ELFN1: variants seen among roughly 807,000 people sequenced by gnomAD.
ELFN1 encodes protein ELFN1.
Under a neutral mutation model 7.6 loss-of-function variants are expected in ELFN1, and 6 were observed. The observed-to-expected ratio is 0.79, with a 90% CI of 0.43 to 1.56. ELFN1 has a LOEUF of 1.56. ELFN1 is among the 40% of genes most tolerant of loss of function. ELFN1 has a pLI of 0.01. For synonymous variants in ELFN1, 657 were observed against 588.1 expected, an observed-to-expected ratio of 1.12 and a Z score of -1.70; for missense variants, 1,169 against 1,232.2, an observed-to-expected ratio of 0.95 and a Z score of 0.77.
intron 3 of ELFN1, among the ~76,000 whole-genome samples, chr7:1,714,084 C>G (rs1453511375): frequency 1.3e-5 from 2 of 152,240 alleles, no homozygotes; most frequent in Non-Finnish European, 2.9e-5. Flanking sequence ...TGGAAGGAAC[C>G]TGGGACGTTG....
Position 1,746,624 on chromosome 7 carries a change from G to C in ELFN1, c.2028G>C (p.Ala676=). 1.5e-6 allele frequency: 2 copies of C among 1,350,378 alleles called. No individual in the cohort carries two copies. The highest frequency in any genetic ancestry group is 1.9e-6 in the Non-Finnish European group (2 of 1,055,944). 83.6% of individuals were successfully genotyped at this position (1,350,378 alleles called of 1,614,324 possible). The part of the protein sequence containing the change: ...EAKYIEKGSP[A]ADAILTVTPA... ...AGTACATCGAGAAGGGCTCCCCCGCGGCCGACGCCATCCTCACTGTGACAC... is the reference window on the plus strand; with the variant it reads ...AGTACATCGAGAAGGGCTCCCCCGCCGCCGACGCCATCCTCACTGTGACAC... Residue 676 remains alanine, a synonymous_variant, in exon 4 of 4, where the codon GCG becomes GCC. Coordinates refer to ENST00000424383, the MANE Select transcript of ELFN1 (RefSeq NM_001128636.4).
rs573593436 is a variant in ELFN1 at position 1,680,024 on chromosome 7, T to C, written c.-548-8034T>C. ...GTGCACAGTTCATTAAACATGACCATGAAGTCGGGACATGGGAGTTACGCA... is the reference window on the plus strand; with the variant it reads ...GTGCACAGTTCATTAAACATGACCACGAAGTCGGGACATGGGAGTTACGCA... On this transcript the variant is annotated intron_variant, in intron 1 of 3. Transcript: ENST00000424383. Among the ~76,000 whole-genome samples the C allele has an allele frequency of 2.6e-5, 4 of 152,344 alleles. No individual in the cohort carries two copies. The East Asian group carries it at 5.8e-4, about 22-fold the overall frequency.
Position 1,746,238 on chromosome 7 carries a change from A to T in ELFN1, c.1642A>T (p.Ser548Cys). ...TGAGCTGGGCCGGCCGGGCCCCGAC[A>T]GCCAGAGTTCGGTGGCCGAGATCTC... is the stretch of plus-strand genomic sequence containing the variant. ...DCELGRPGPD[S>C]QSSVAEISTI... The change falls in exon 4 of 4, where the codon AGC becomes TGC. Residue 548 changes from serine (S) to cysteine (C), a missense_variant. Coordinates refer to ENST00000424383, the MANE Select transcript of ELFN1 (RefSeq NM_001128636.4). 1 of 1,502,836 alleles carries T rather than the reference A, an allele frequency of 6.7e-7. No individual in the cohort carries two copies. Among genetic ancestry groups the T allele is most frequent in the Non-Finnish European group, 8.9e-7 (1 of 1,121,162 alleles). The allele number at this position is 1,502,836 out of a possible 1,614,324, so 93.1% of individuals were successfully genotyped here.
rs553978808 is a variant in ELFN1, at chr7:1,718,516, A to G, written c.-294+9264A>G. ...TTGCTAAAAGTTGAAATATGAGGAA[A>G]TCATTAGCATGCTTTGAATGCAAAG... On this transcript the variant is annotated intron_variant, in intron 3 of 3. Coordinates refer to ENST00000424383, the MANE Select transcript of ELFN1 (RefSeq NM_001128636.4). Among the ~76,000 whole-genome samples, 6 of 152,312 alleles carry G rather than the reference A, an allele frequency of 3.9e-5. No individual in the cohort carries two copies. The South Asian group carries it at 1.0e-3, about 26-fold the overall frequency.
At chr7:1,717,171 C>A (rs570165828) in intron 3 of ELFN1, among the ~76,000 whole-genome samples, 1 of 152,300 alleles carries the variant, frequency 6.6e-6, no homozygotes, top group East Asian at 1.9e-4. Flanking sequence ...GAAATAGAGG[C>A]AGACAGGGGC....
chr7:1,745,881 A>G lies in ELFN1; in HGVS notation c.1285A>G (p.Met429Val), dbSNP rs377622926. 2.3e-4 allele frequency: 370 copies of G among 1,592,540 alleles called. No homozygotes were observed. Among genetic ancestry groups the G allele is most frequent in the Admixed American group, 4.6e-4 (26 of 57,010 alleles). ...GACCATCCTGGGCTGCCTCTTCGGC[A>G]TGGTGCTGGTGCTGGGCGCCGTCTA... ...IMTILGCLFGMVLVLGAVYYC... is the reference protein window; with the variant it reads ...IMTILGCLFGVVLVLGAVYYC... Residue 429 changes from methionine (M) to valine (V), a missense_variant, in exon 4 of 4, where the codon ATG becomes GTG. Transcript: ENST00000424383.
Position 1,695,642 on chromosome 7 carries a change from G to A in ELFN1, c.-456+7492G>A, listed in dbSNP as rs1276675206. 6.6e-6 allele frequency among the ~76,000 whole-genome samples: 1 copy of A among 151,376 alleles called. No individual in the cohort carries two copies. The highest frequency in any genetic ancestry group is 1.5e-5 in the Non-Finnish European group (1 of 67,912). Reference sequence around the variant, plus strand: ...GACACCTGTAATCCCAGTTACTTGGGAGGCTGAGGCAGGGAGAATTGTTTG... The same window carrying A: ...GACACCTGTAATCCCAGTTACTTGGAAGGCTGAGGCAGGGAGAATTGTTTG... On this transcript the variant is annotated intron_variant, in intron 2 of 3. Transcript: ENST00000424383. This position sits in a 1 kb window ranked among gnomAD's most constrained non-coding sequence, Gnocchi z 5.1.
Position 1,686,608 on chromosome 7 carries a change from T to C in ELFN1, c.-548-1450T>C, listed in dbSNP as rs149790118. ...CCAAATACCTTGAGCCAGTCAGGCC[T>C]ACACATGCTGTTGATAGATCTGCAT... On this transcript the variant is annotated intron_variant, in intron 1 of 3. Coordinates refer to ENST00000424383, the MANE Select transcript of ELFN1 (RefSeq NM_001128636.4). Among the ~76,000 whole-genome samples, 311 of 152,256 alleles carry C rather than the reference T, an allele frequency of 2.0e-3. 2 individuals are homozygous for C. The highest frequency in any genetic ancestry group is 3.7e-3 in the Non-Finnish European group (249 of 68,024).
chr7:1,689,147 A>T (rs974136682), intron 2 of ELFN1, among the ~76,000 whole-genome samples: 1 of 152,198 alleles, frequency 6.6e-6, no homozygotes, highest in Admixed American at 6.5e-5. Context: ...TTCCCTGGTG[A>T]TTCATTCAAG....
intron 1 of ELFN1, among the ~76,000 whole-genome samples, chr7:1,682,556 A>G (rs923246997): frequency 6.6e-6 from 1 of 151,768 alleles, no homozygotes; most frequent in Middle Eastern, 3.2e-3. Flanking sequence ...TCTCCTCACC[A>G]CAGCCTCCCA....
At chr7:1,676,833 T>C (rs980510992) in intron 1 of ELFN1, among the ~76,000 whole-genome samples, 2 of 152,114 alleles carry the variant, frequency 1.3e-5, no homozygotes, top group Admixed American at 1.3e-4. Flanking sequence ...TCGGAGCTCT[T>C]GGGAAGAGTT....
chr7:1,707,144 T>C (rs939202967), intron 2 of ELFN1, among the ~76,000 whole-genome samples: 2 of 152,176 alleles, frequency 1.3e-5, no homozygotes, highest in African/African-American at 4.8e-5. Context: ...CACACGCATG[T>C]GAGAACATGC....
Position 1,735,037 on chromosome 7 carries a change from C to T in ELFN1, c.-293-9267C>T, listed in dbSNP as rs566689546. Among the ~76,000 whole-genome samples the T allele has an allele frequency of 5.9e-4, 90 of 152,234 alleles. No homozygotes were observed. The highest frequency in any genetic ancestry group is 2.0e-3 in the African/African-American group (85 of 41,538). ...AAGTAGCAGTGGAGTGCTGTTGCCG[C>T]CTTCCTGGGCCTTGCCGTGGGGGAG... On this transcript the variant is annotated intron_variant, in intron 3 of 3. Transcript: ENST00000424383. The surrounding 1 kb of genome is among the most constrained non-coding windows in gnomAD (Gnocchi z 5.9).
At chr7:1,677,616 G>A (rs575194885) in intron 1 of ELFN1, among the ~76,000 whole-genome samples, 35 of 152,154 alleles carry the variant, frequency 2.3e-4, no homozygotes, top group African/African-American at 6.5e-4. Context: ...TAGTGTCTGC[G>A]TGAATAGAGG....
Position 1,744,909 on chromosome 7 carries a change from T to G in ELFN1, c.313T>G (p.Ser105Ala). The change falls in exon 4 of 4, where the codon TCG becomes GCG. Residue 105 changes from serine (S) to alanine (A), a missense_variant. Ser to Ala is a moderately conservative substitution (Grantham distance 99). Around this residue, in one of 2 missense-constraint regions of ELFN1, gnomAD observed 255 missense variants for 359.6 expected, o/e 0.71. Coordinates refer to ENST00000424383, the MANE Select transcript of ELFN1 (RefSeq NM_001128636.4). ...EIGYIEDGAF[S>A]GQFNLQVLQL... ...CGGCTACATCGAGGACGGCGCCTTC[T>G]CGGGCCAGTTCAACCTGCAGGTGCT... 1 of 1,553,824 alleles carries G rather than the reference T, an allele frequency of 6.4e-7. No homozygotes were observed. Among genetic ancestry groups the G allele is most frequent in the Non-Finnish European group, 8.7e-7 (1 of 1,148,208 alleles).
chr7:1,675,644 T>C (rs1156902757), intron 1 of ELFN1, among the ~76,000 whole-genome samples: 1 of 151,890 alleles, frequency 6.6e-6, no homozygotes, highest in Non-Finnish European at 1.5e-5. Flanking sequence ...GGTCTGGAAA[T>C]GGGGGGGCCG....
At chr7:1,716,660 G>A (rs1374137192) in intron 3 of ELFN1, among the ~76,000 whole-genome samples, 1 of 152,220 alleles carries the variant, frequency 6.6e-6, no homozygotes, top group Non-Finnish European at 1.5e-5. Flanking sequence ...CTGCATGCGT[G>A]TCATAGCTGT....
chr7:1,674,480 G>A (rs1185021393), intron 1 of ELFN1, among the ~76,000 whole-genome samples: 9 of 152,192 alleles, frequency 5.9e-5, no homozygotes, highest in Admixed American at 4.6e-4. Context: ...GGCTGAGGAG[G>A]AGGGGTCTAG....
intron 3 of ELFN1, among the ~76,000 whole-genome samples, chr7:1,736,572 C>G (rs569907970): frequency 2.6e-5 from 4 of 152,360 alleles, no homozygotes; most frequent in African/African-American, 7.2e-5. Context: ...CTCACACGCA[C>G]TGTCCCCATC....
Sources: gnomAD v4.1 joint callset for allele counts (sites outside exome capture counted in the v4.1 genomes callset) on GRCh38, gnomAD v4.1.1 for gene constraint, gnomAD v4.1.1 regional missense constraint, Gnocchi (gnomAD v3.1) non-coding constraint, MANE v1.5 for transcripts, NCBI Gene and HGNC (gene_info 2026-07-23, HGNC 2026-07-21) for gene names.